The following FAM149B1 variants were observed in gnomAD, a reference collection of about 807,000 sequenced individuals.
The protein encoded by FAM149B1 is primary cilium assembly protein FAM149B1.
FAM149B1 carries 56 observed loss-of-function variants against 75.3 expected under a neutral mutation model. That is an observed-to-expected ratio of 0.74 (90% confidence interval 0.60 to 0.93). The LOEUF is 0.93. FAM149B1 is among the 40% of genes least tolerant of loss of function. The pLI is 0.00. For synonymous variants in FAM149B1, 259 were observed against 256.1 expected, an observed-to-expected ratio of 1.01 and a Z score of -0.11; for missense variants, 639 against 708.4, an observed-to-expected ratio of 0.90 and a Z score of 1.11.
chr10:73,220,307 C>T (rs1833957930), intron 7 of FAM149B1, among the ~76,000 whole-genome samples: 1 of 152,068 alleles, frequency 6.6e-6, no homozygotes, highest in Non-Finnish European at 1.5e-5. Flanking sequence ...TTGGAACCCT[C>T]ATACATGGCA....
chr10:73,175,546 C>T (rs60653627), intron 2 of FAM149B1, among the ~76,000 whole-genome samples: 2 of 150,894 alleles, frequency 1.3e-5, no homozygotes, highest in Admixed American at 1.3e-4. Context: ...GGTGGGGGCC[C>T]GTAGTCCCAG....
At chr10:73,170,018 CTATTAA>C (rs1489034308) in intron 1 of FAM149B1, among the ~76,000 whole-genome samples, 1 of 136,924 alleles carries the variant, frequency 7.3e-6, no homozygotes, top group East Asian at 2.3e-4. Flanking sequence ...AATATATTAA[CTATTAA>C]TATTAATTAT....
chr10:73,211,394 C>CA (rs150491354), intron 7 of FAM149B1, among the ~76,000 whole-genome samples: 2,144 of 150,736 alleles, frequency 0.014, 31 homozygotes, highest in African/African-American at 0.033. Context: ...CATTAGCATA[C>CA]AAAAAAAAAC....
intron 3 of FAM149B1, among the ~76,000 whole-genome samples, chr10:73,187,873 A>C (rs1179122315): frequency 6.6e-6 from 1 of 151,846 alleles, no homozygotes; most frequent in Admixed American, 6.6e-5. Context: ...ACCTGAGGTC[A>C]GGAGTTCGAG....
intron 12 of FAM149B1, among the ~76,000 whole-genome samples, chr10:73,237,886 G>C (rs571556182): frequency 1.9e-4 from 29 of 152,092 alleles, no homozygotes; most frequent in Non-Finnish European, 2.5e-4. Flanking sequence ...TCTGCACCTG[G>C]CTAAAAACAT....
chr10:73,236,413 C>CTT lies in FAM149B1; in HGVS notation c.1602+1112_1602+1113dup, dbSNP rs571460371. 4.7e-4 allele frequency among the ~76,000 whole-genome samples: 62 copies of CTT among 133,288 alleles called. 1 individual carries two copies. The highest frequency in any genetic ancestry group is 1.5e-3 in the East Asian group (7 of 4,736). The allele number at this position is 133,288 out of a possible 152,430, so 87.4% of individuals were successfully genotyped here. ...CAGCTGCATCACTCCCAATTTCTGCCTTTTTTTTTTTTTTTTTTGAGACGG... is the reference window on the plus strand; with the variant it reads ...CAGCTGCATCACTCCCAATTTCTGCCTTTTTTTTTTTTTTTTTTTTGAGACGG... On this transcript the variant is annotated intron_variant, in intron 12 of 13. Coordinates refer to ENST00000242505, the MANE Select transcript of FAM149B1 (RefSeq NM_173348.2).
At chr10:73,203,756 C>T (rs1432235652) in intron 5 of FAM149B1, among the ~76,000 whole-genome samples, 1 of 152,108 alleles carries the variant, frequency 6.6e-6, no homozygotes, top group East Asian at 1.9e-4. Flanking sequence ...TCTTCCACTT[C>T]AGCCTCCTGA....
intron 1 of FAM149B1, among the ~76,000 whole-genome samples, chr10:73,170,180 C>T (rs1259246336): frequency 2.0e-5 from 3 of 152,142 alleles, no homozygotes; most frequent in Non-Finnish European, 4.4e-5. Flanking sequence ...GCCTTCGTTT[C>T]TGCAATATAG....
chr10:73,225,708 C>G (rs553114160), intron 7 of FAM149B1, among the ~76,000 whole-genome samples: 1 of 152,346 alleles, frequency 6.6e-6, no homozygotes, highest in Admixed American at 6.5e-5. Context: ...TCACCACTCA[C>G]TCAGTGACTC....
chr10:73,173,589 G>A (rs993141714), intron 1 of FAM149B1, among the ~76,000 whole-genome samples: 3 of 152,088 alleles, frequency 2.0e-5, no homozygotes, highest in Admixed American at 2.0e-4. Context: ...ACAATGCAGG[G>A]GTTAGGGGTA....
rs2043597904 is a variant in FAM149B1 at position 73,228,099 on chromosome 10, A to C, written c.938A>C (p.Glu313Ala). ...SNVAVTRPDSESSCVLSELHP... is the reference protein window; with the variant it reads ...SNVAVTRPDSASSCVLSELHP... ...GTTGCAGTTACCAGACCCGATTCAG[A>C]AAGTTCCTGTGTGCTGAGTGAACTA... Residue 313 changes from glutamate to alanine, a missense_variant, in exon 8 of 14, where the codon GAA (glutamate) becomes GCA (alanine). By Grantham distance (107) the Glu-to-Ala change is moderately radical. Transcript: ENST00000242505. The C allele has an allele frequency of 6.4e-7, 1 of 1,551,440 alleles. No individual in the cohort carries two copies. The highest frequency in any genetic ancestry group is 2.0e-5 in the Admixed American group (1 of 50,984).
At position 73,225,493 on chromosome 10, in the gene FAM149B1, G is replaced by T. The variant is rs562072038; in HGVS notation, c.899-2567G>T. Among the ~76,000 whole-genome samples the T allele has an allele frequency of 1.0e-3, 157 of 152,164 alleles. 1 individual carries two copies. The highest frequency in any genetic ancestry group is 3.4e-3 in the Middle Eastern group (1 of 294). On this transcript the variant is annotated intron_variant, in intron 7 of 13. Transcript: ENST00000242505. ...AAACCTCATAGAATAAGGAAATAAA[G>T]AAAAAATATTTTTGTACAGTTGTAC...
At chr10:73,212,225 G>A (rs1199999341) in intron 7 of FAM149B1, among the ~76,000 whole-genome samples, 1 of 152,142 alleles carries the variant, frequency 6.6e-6, no homozygotes, top group Non-Finnish European at 1.5e-5. Context: ...GGACACTTAG[G>A]CTGATTCCAT....
intron 5 of FAM149B1, among the ~76,000 whole-genome samples, chr10:73,205,922 A>G (rs887527261): frequency 2.0e-5 from 3 of 152,234 alleles, no homozygotes; most frequent in African/African-American, 7.2e-5. Context: ...GGGTATTGCT[A>G]TAAGGATACC....
rs188976198 is a variant in FAM149B1 at position 73,226,278 on chromosome 10, G to A, written c.899-1782G>A. 5.3e-5 allele frequency among the ~76,000 whole-genome samples: 8 copies of A among 152,084 alleles called. No individual in the cohort carries two copies. In the East Asian group the frequency reaches 5.8e-4, roughly 11 times the overall value. The stretch of plus-strand genomic sequence containing the variant: ...TCCCAGCATTTTGGAAGGCCGAGGC[G>A]GGTGGATCATGAGGTCAGGAGATCA... On this transcript the variant is annotated intron_variant, in intron 7 of 13. Coordinates refer to ENST00000242505, the MANE Select transcript of FAM149B1 (RefSeq NM_173348.2).
At chr10:73,192,774 G>A in intron 4 of FAM149B1, 76 bp downstream of exon 4, 2 of 1,310,138 alleles carry the variant, frequency 1.5e-6, no homozygotes, top group African/African-American at 3.0e-5. Flanking sequence ...AAAAAAGCTT[G>A]TATTCTGAAA....
At chr10:73,187,625 A>C (rs1345046472) in intron 3 of FAM149B1, among the ~76,000 whole-genome samples, 1 of 152,004 alleles carries the variant, frequency 6.6e-6, no homozygotes, top group Non-Finnish European at 1.5e-5. Context: ...GCTATTCCGG[A>C]GGCTGAGGCA....
intron 10 of FAM149B1, 136 bp downstream of exon 10, chr10:73,233,299 G>T: frequency 1.5e-6 from 1 of 656,534 alleles, no homozygotes; most frequent in Middle Eastern, 4.2e-4. Context: ...ATTGCCCATG[G>T]GTTTAGATCC....
intron 7 of FAM149B1, among the ~76,000 whole-genome samples, chr10:73,215,395 A>AT (rs966982203): frequency 2.6e-5 from 4 of 151,114 alleles, no homozygotes; most frequent in East Asian, 1.9e-4. Context: ...AATTAAAAAA[A>AT]TTTTTTTTTA....
Sources: allele counts gnomAD v4.1 joint callset (sites outside exome capture counted in the v4.1 genomes callset), GRCh38; gene constraint gnomAD v4.1.1; transcripts MANE v1.5; gene names NCBI Gene and HGNC (gene_info 2026-07-23, HGNC 2026-07-21).